Variants in SLC17A5 observed in about 807,000 individuals in gnomAD.
SLC17A5 encodes sialin.
SLC17A5 carries 47 observed loss-of-function variants against 59.4 expected under a neutral mutation model. That is an observed-to-expected ratio of 0.79 (90% CI 0.63 to 1.01). The LOEUF is 1.01. SLC17A5 is among the 50% of genes least tolerant of loss of function. The pLI is 0.00. For missense variants in SLC17A5, 522 were observed against 595.5 expected (o/e 0.88, Z 1.28); for synonymous variants, 202 against 210.7 (o/e 0.96, Z 0.36).
chr6:73,635,980 C>T (rs193235712), intron 5 of SLC17A5, among the ~76,000 whole-genome samples: 174 of 152,174 alleles, frequency 1.1e-3, no homozygotes, highest in African/African-American at 4.0e-3. Flanking sequence ...ACCTCGTGAT[C>T]CACCCGCCTC....
chr6:73,636,293 AAAAAAAC>A (rs1314329445), intron 5 of SLC17A5, among the ~76,000 whole-genome samples: 21 of 145,884 alleles, frequency 1.4e-4, no homozygotes, highest in African/African-American at 3.5e-4. Flanking sequence ...GAAAAAAAAA[AAAAAAAC>A]ATTAAAACTA....
At chr6:73,634,098 T>TA (rs1395230931) in intron 6 of SLC17A5, among the ~76,000 whole-genome samples, 1 of 152,134 alleles carries the variant, frequency 6.6e-6, no homozygotes, top group Non-Finnish European at 1.5e-5. Flanking sequence ...GAGAATTTAG[T>TA]ATATTGAATT....
intron 6 of SLC17A5, among the ~76,000 whole-genome samples, chr6:73,632,276 G>T (rs1385462450): frequency 2.3e-5 from 3 of 130,050 alleles, no homozygotes; most frequent in African/African-American, 3.2e-5. Context: ...TCCAGCCTGG[G>T]CACTGAGCTA....
In SLC17A5 at chr6:73,630,379, T is replaced by G. The variant is rs144697613; in HGVS notation, c.819+5003A>C. Among the ~76,000 whole-genome samples the G allele has an allele frequency of 2.8e-4, 43 of 152,290 alleles. 1 individual carries two copies. In the East Asian group the frequency reaches 5.8e-3, roughly 20 times the overall value. On this transcript the variant is annotated intron_variant, in intron 6 of 10. Transcript: ENST00000355773. ...AAATCCACTTATTGTAAGAATGAAA[T>G]CACATTTCTACCTATAAGTACTGAC...
chr6:73,635,403 A>G lies in SLC17A5; in HGVS notation c.798T>C (p.Ile266=). ...ATACCTGATTTCTTAATGATGAAAG[A>G]ATGTATTCCTTTTCATAATGGGAAA... ...KRISHYEKEY[I]LSSLRNQLSS... The change falls in exon 6 of 11, where the codon ATT becomes ATC. Residue 266 remains isoleucine (I), a synonymous_variant. Transcript: ENST00000355773. The G allele has an allele frequency of 1.9e-6, 3 of 1,577,192 alleles. No homozygotes were observed. The highest frequency in any genetic ancestry group is 2.6e-6 in the Non-Finnish European group (3 of 1,147,970).
At chr6:73,652,067 T>C (rs1437503402) in intron 1 of SLC17A5, among the ~76,000 whole-genome samples, 2 of 152,222 alleles carry the variant, frequency 1.3e-5, no homozygotes, top group Non-Finnish European at 2.9e-5. Flanking sequence ...GCTCCTTCTC[T>C]ATAAAACTTA....
intron 10 of SLC17A5, among the ~76,000 whole-genome samples, chr6:73,599,367 C>G (rs1285044663): frequency 6.6e-6 from 1 of 152,018 alleles, no homozygotes; most frequent in Non-Finnish European, 1.5e-5. Flanking sequence ...CAAACCACAC[C>G]CAGCTAAAAC....
chr6:73,638,279 C>T, intron 4 of SLC17A5, 133 bp downstream of exon 4: 1 of 686,372 alleles, frequency 1.5e-6, no homozygotes, highest in Non-Finnish European at 2.6e-6. Flanking sequence ...TAAAGTTATA[C>T]TACCGAAACT....
chr6:73,621,098 C>T (rs187553569), intron 7 of SLC17A5, among the ~76,000 whole-genome samples: 14 of 151,940 alleles, frequency 9.2e-5, no homozygotes, highest in East Asian at 1.9e-4. Flanking sequence ...TTCCGCTTCC[C>T]GGGTTCAAGC....
intron 9 of SLC17A5, among the ~76,000 whole-genome samples, chr6:73,603,217 C>T (rs776535668): frequency 3.3e-5 from 5 of 151,948 alleles, no homozygotes; most frequent in Admixed American, 2.0e-4. Context: ...TTGCAACCTC[C>T]GCCTCCTAGG....
chr6:73,639,419 A>G (rs1446151728), intron 3 of SLC17A5, among the ~76,000 whole-genome samples: 1 of 152,232 alleles, frequency 6.6e-6, no homozygotes, highest in Non-Finnish European at 1.5e-5. Context: ...TCAAAAACAA[A>G]AACAAAAGGA....
chr6:73,601,181 G>A (rs1352785617), intron 9 of SLC17A5, among the ~76,000 whole-genome samples: 1 of 141,412 alleles, frequency 7.1e-6, no homozygotes, highest in Admixed American at 7.0e-5. Context: ...TGTGGGGAGC[G>A]CCTCTGCCCC....
intron 7 of SLC17A5, among the ~76,000 whole-genome samples, chr6:73,617,164 G>C (rs1767911347): frequency 1.3e-5 from 2 of 151,978 alleles, no homozygotes; most frequent in Admixed American, 1.3e-4. Flanking sequence ...CATGATACAT[G>C]ACTGTAATCC....
At chr6:73,635,255 T>C in intron 6 of SLC17A5, 127 bp downstream of exon 6, 1 of 621,732 alleles carries the variant, frequency 1.6e-6, no homozygotes, top group East Asian at 2.8e-5. Context: ...TGGATGTTCA[T>C]TTCATTTGCC....
chr6:73,631,176 G>A (rs939250717), intron 6 of SLC17A5, among the ~76,000 whole-genome samples: 1 of 151,364 alleles, frequency 6.6e-6, no homozygotes, highest in Non-Finnish European at 1.5e-5. Flanking sequence ...GCATGCTGGA[G>A]CAAGACAAAA....
At chr6:73,635,189 T>TC (rs545300084) in intron 6 of SLC17A5, 193 bp downstream of exon 6, 108 of 441,824 alleles carry the variant, frequency 2.4e-4, no homozygotes, top group African/African-American at 1.9e-3. Context: ...CACCTAGACC[T>TC]CCCCAAAGGA....
chr6:73,622,712 G>GA (rs1425460124), intron 6 of SLC17A5, among the ~76,000 whole-genome samples: 1 of 152,146 alleles, frequency 6.6e-6, no homozygotes, highest in Non-Finnish European at 1.5e-5. Context: ...TTATTCAATT[G>GA]AAATGATTTA....
chr6:73,650,503 G>A (rs149644990), intron 1 of SLC17A5, among the ~76,000 whole-genome samples: 3,993 of 106,744 alleles, frequency 0.037, 212 homozygotes, highest in African/African-American at 0.14. Context: ...GCAAGACTCC[G>A]TCTCAAAAAA....
intron 9 of SLC17A5, among the ~76,000 whole-genome samples, chr6:73,608,008 C>T (rs2150084589): frequency 6.6e-6 from 1 of 152,144 alleles, no homozygotes; most frequent in South Asian, 2.1e-4. Context: ...AACTCCTGAC[C>T]TCAGGTGATC....
Sources: allele counts gnomAD v4.1 joint callset (sites outside exome capture counted in the v4.1 genomes callset), GRCh38; gene constraint gnomAD v4.1.1; transcripts MANE v1.5; gene names NCBI Gene and HGNC (gene_info 2026-07-23, HGNC 2026-07-21).